Variants in YEATS4 observed in about 807,000 individuals in gnomAD.
YEATS4 encodes the protein YEATS domain containing 4, also known as YEATS domain-containing protein 4.
In YEATS4, 17 loss-of-function variants were observed where a neutral mutation model predicts 30.1. The ratio of observed to expected loss-of-function variants is 0.56; its 90% confidence interval spans 0.39 to 0.85. The LOEUF (loss-of-function observed/expected upper bound fraction) is 0.85. YEATS4 is among the 40% of genes least tolerant of loss of function. YEATS4 has a pLI of 0.00. For missense variants in YEATS4, 142 were observed against 268.3 expected (o/e 0.53, Z 3.29); for synonymous variants, 85 against 87.5 (o/e 0.97, Z 0.16).
At chr12:69,424,247 T>C in the YEATS4 span, among the ~76,000 whole-genome samples, 1 of 152,212 alleles carries the variant, frequency 6.6e-6, no homozygotes. Flanking sequence ...ATTGCCACAA[T>C]GCCTTATATG....
At chr12:69,421,838 G>T in the YEATS4 span, among the ~76,000 whole-genome samples, 1 of 152,150 alleles carries the variant, frequency 6.6e-6, no homozygotes, top group African/African-American at 2.4e-5. Flanking sequence ...TGACCTTTAT[G>T]GAAAAGTCTG....
chr12:69,379,885 AC>A (rs1228448443), intron 6 of YEATS4, among the ~76,000 whole-genome samples: 1 of 151,986 alleles, frequency 6.6e-6, no homozygotes, highest in East Asian at 1.9e-4. Flanking sequence ...CTATTAAGTG[AC>A]TGATGCATTC....
At chr12:69,367,226 ACCTT>A in intron 4 of YEATS4, among the ~76,000 whole-genome samples, 1 of 152,076 alleles carries the variant, frequency 6.6e-6, no homozygotes. Flanking sequence ...TACTATTCCT[ACCTT>A]AGTTTTCTTT....
chr12:69,389,422 C>T (rs1868289631), intron 6 of YEATS4, among the ~76,000 whole-genome samples: 1 of 148,624 alleles, frequency 6.7e-6, no homozygotes, highest in African/African-American at 2.5e-5. Context: ...TGCTCTCCAG[C>T]CTGGGCGACA....
At chr12:69,361,941 A>G (rs1484231719) in intron 1 of YEATS4, among the ~76,000 whole-genome samples, 3 of 150,970 alleles carry the variant, frequency 2.0e-5, no homozygotes, top group Non-Finnish European at 4.4e-5. Context: ...TAACATTTAC[A>G]TTTAAATCAG....
chr12:69,391,263 C>T (rs937437871), downstream of YEATS4, among the ~76,000 whole-genome samples: 2 of 151,082 alleles, frequency 1.3e-5, no homozygotes, highest in African/African-American at 4.9e-5. Flanking sequence ...CACTGCACTC[C>T]AGCCTGGGCG....
the YEATS4 span, among the ~76,000 whole-genome samples, chr12:69,416,623 C>T: frequency 3.3e-5 from 5 of 152,184 alleles, no homozygotes; most frequent in South Asian, 2.1e-4. Flanking sequence ...AGCCCTCCCA[C>T]GCCAGTAGGT....
chr12:69,425,226 T>A, the YEATS4 span, among the ~76,000 whole-genome samples: 4 of 152,092 alleles, frequency 2.6e-5, 1 homozygote, highest in Admixed American at 2.6e-4. Flanking sequence ...CCCAGCCGGG[T>A]CTTAGTATTT....
the YEATS4 span, among the ~76,000 whole-genome samples, chr12:69,405,166 T>C: frequency 6.6e-6 from 1 of 152,206 alleles, no homozygotes; most frequent in Non-Finnish European, 1.5e-5. Flanking sequence ...TTGTAATTGA[T>C]TCCTATGCAG....
chr12:69,380,163 A>G (rs1431798518), intron 6 of YEATS4, among the ~76,000 whole-genome samples: 8 of 152,206 alleles, frequency 5.3e-5, no homozygotes, highest in Admixed American at 1.3e-4. Context: ...GATATTCATC[A>G]ATGTCTGGGC....
intron 6 of YEATS4, among the ~76,000 whole-genome samples, chr12:69,386,560 T>C (rs1390138094): frequency 6.6e-6 from 1 of 152,228 alleles, no homozygotes; most frequent in Non-Finnish European, 1.5e-5. Context: ...ATAACATTAG[T>C]GCATTTTTTT....
the YEATS4 span, among the ~76,000 whole-genome samples, chr12:69,412,192 T>C: frequency 6.6e-6 from 1 of 152,194 alleles, no homozygotes; most frequent in Non-Finnish European, 1.5e-5. Context: ...TGGGGTGCTG[T>C]GGCAACCAAC....
intron 6 of YEATS4, among the ~76,000 whole-genome samples, chr12:69,380,364 G>T (rs763361651): frequency 6.6e-6 from 1 of 152,224 alleles, no homozygotes; most frequent in Non-Finnish European, 1.5e-5. Flanking sequence ...TGTAGGGTAC[G>T]ACTTTGGTGG....
the YEATS4 span, among the ~76,000 whole-genome samples, chr12:69,406,779 T>TATGGTATTATCTAA: frequency 2.0e-5 from 3 of 152,104 alleles, no homozygotes; most frequent in African/African-American, 4.8e-5. Flanking sequence ...ATTCTTTTAT[T>TATGGTATTATCTAA]ATTAGACATT....
At chr12:69,421,694 G>GA in the YEATS4 span, among the ~76,000 whole-genome samples, 1 of 152,160 alleles carries the variant, frequency 6.6e-6, no homozygotes, top group Non-Finnish European at 1.5e-5. Context: ...CTAGGCGGCT[G>GA]AAAATTCAAA....
the YEATS4 span, among the ~76,000 whole-genome samples, chr12:69,404,943 A>G: frequency 6.6e-6 from 1 of 152,244 alleles, no homozygotes; most frequent in Non-Finnish European, 1.5e-5. Context: ...TGGTACAGCT[A>G]TGTGCATGGA....
At chr12:69,368,283 A>G (rs1327179498) in intron 4 of YEATS4, among the ~76,000 whole-genome samples, 1 of 152,210 alleles carries the variant, frequency 6.6e-6, no homozygotes, top group African/African-American at 2.4e-5. Context: ...TCAAGCCACT[A>G]TAAAAAGAAT....
At chr12:69,419,729 C>A in the YEATS4 span, among the ~76,000 whole-genome samples, 7 of 152,246 alleles carry the variant, frequency 4.6e-5, no homozygotes, top group African/African-American at 1.7e-4. Flanking sequence ...TCCCTACTCT[C>A]AAAGAGCATA....
downstream of YEATS4, among the ~76,000 whole-genome samples, chr12:69,395,117 C>T (rs78263006): frequency 0.034 from 5,237 of 152,102 alleles, 304 homozygotes; most frequent in African/African-American, 0.12. Context: ...TCAACAGTTT[C>T]ACTTTTAAAA....
Sources: gnomAD v4.1 joint callset for allele counts (sites outside exome capture counted in the v4.1 genomes callset) on GRCh38, gnomAD v4.1.1 for gene constraint, MANE v1.5 for transcripts, NCBI Gene and HGNC (gene_info 2026-07-23, HGNC 2026-07-21) for gene names.